The following AGBL4 variants were observed in gnomAD, a reference collection of about 807,000 sequenced individuals.
AGBL4 encodes the protein cytosolic carboxypeptidase 6.
Under a neutral mutation model 66.4 loss-of-function variants are expected in AGBL4, and 58 were observed. The ratio of observed to expected loss-of-function variants is 0.87; its 90% CI spans 0.71 to 1.09. The LOEUF (loss-of-function observed/expected upper bound fraction) is 1.09. AGBL4 is among the 50% of genes least tolerant of loss of function. AGBL4 has a pLI of 0.00. For missense variants in AGBL4, 579 were observed against 631.0 expected (o/e 0.92, Z 0.88); for synonymous variants, 234 against 222.9 (o/e 1.05, Z -0.44).
intron 2 of AGBL4, among the ~76,000 whole-genome samples, chr1:49,712,739 A>C (rs932020196): frequency 1.3e-5 from 2 of 151,954 alleles, no homozygotes; most frequent in African/African-American, 4.8e-5. Flanking sequence ...AAAAAGAAGA[A>C]TATGGGCTTT....
rs201594533 is a variant in AGBL4 at position 49,556,644 on chromosome 1, CG to C, written c.282+140668del. The stretch of plus-strand genomic sequence containing the variant: ...CCCGACTCAGGAGCCCAGCTGGCTT[CG>C]CCTAGTGGATCCCGCGCAGGGGCCG... On this transcript the variant is annotated intron_variant, in intron 3 of 13. Transcript: ENST00000371839. Among the ~76,000 whole-genome samples, 105 of 152,212 alleles carry C rather than the reference CG, an allele frequency of 6.9e-4. 2 individuals are homozygous for C. The East Asian group carries it at 0.018, about 27-fold the overall frequency.
intron 2 of AGBL4, among the ~76,000 whole-genome samples, chr1:49,751,409 C>A (rs1034012452): frequency 4.7e-4 from 72 of 152,270 alleles, no homozygotes; most frequent in Non-Finnish European, 1.0e-3. Flanking sequence ...GTTGAACCAG[C>A]CTTGCATCCC....
chr1:48,663,536 CTG>C (rs2148457071), intron 6 of AGBL4, among the ~76,000 whole-genome samples: 2 of 152,296 alleles, frequency 1.3e-5, no homozygotes, highest in East Asian at 1.9e-4. Context: ...AATCCACTGA[CTG>C]TGACTTTAGG....
chr1:49,481,022 C>T (rs776314641), intron 3 of AGBL4, among the ~76,000 whole-genome samples: 15 of 152,056 alleles, frequency 9.9e-5, no homozygotes, highest in Non-Finnish European at 1.8e-4. Flanking sequence ...CAGTACCATG[C>T]TGTCTTGGTT....
At chr1:49,683,877 T>C (rs1646741807) in intron 3 of AGBL4, among the ~76,000 whole-genome samples, 2 of 152,298 alleles carry the variant, frequency 1.3e-5, no homozygotes, top group African/African-American at 4.8e-5. Flanking sequence ...TGTTCAATAC[T>C]GATGTGGAAG....
intron 1 of AGBL4, among the ~76,000 whole-genome samples, chr1:49,948,598 G>A (rs1347001877): frequency 7.1e-6 from 1 of 140,902 alleles, no homozygotes; most frequent in African/African-American, 2.6e-5. Flanking sequence ...GAGAGAGAGA[G>A]AGAGAGAGAT....
rs61233999 is a variant in AGBL4 at position 48,646,513 on chromosome 1, A to ATGTGTGTGTGTGTGTGTGTG, written c.839+6804_839+6823dup. ...GGAAGAGGTAGGTAGACCAGTTATA[A>ATGTGTGTGTGTGTGTGTGTG]TGTGTGTGTGTGTGTGTGTGTGTGT... is the stretch of plus-strand genomic sequence containing the variant. On this transcript the variant is annotated intron_variant, in intron 8 of 13. Coordinates refer to ENST00000371839, the MANE Select transcript of AGBL4 (RefSeq NM_032785.4). Among the ~76,000 whole-genome samples the ATGTGTGTGTGTGTGTGTGTG allele has an allele frequency of 5.4e-4, 71 of 131,528 alleles. 1 individual carries two copies. The highest frequency in any genetic ancestry group is 6.3e-4 in the African/African-American group (22 of 35,024). The allele number at this position is 131,528 out of a possible 152,430, so 86.3% of individuals were successfully genotyped here.
intron 1 of AGBL4, among the ~76,000 whole-genome samples, chr1:49,916,315 C>T (rs935835297): frequency 6.6e-6 from 1 of 152,072 alleles, no homozygotes; most frequent in Non-Finnish European, 1.5e-5. Context: ...GAACCCATCA[C>T]AAAGAAGCTA....
intron 2 of AGBL4, among the ~76,000 whole-genome samples, chr1:49,815,031 T>C (rs1194486161): frequency 6.6e-6 from 1 of 152,162 alleles, no homozygotes; most frequent in East Asian, 1.9e-4. Flanking sequence ...AATCCAATTA[T>C]ACTCTTTTAG....
chr1:48,822,409 A>T (rs977615442), intron 6 of AGBL4, among the ~76,000 whole-genome samples: 6 of 152,230 alleles, frequency 3.9e-5, no homozygotes, highest in African/African-American at 1.4e-4. Context: ...TATATTGAGG[A>T]AGCAATCGGA....
At chr1:48,617,715 C>G (rs1227234358) in intron 9 of AGBL4, among the ~76,000 whole-genome samples, 2 of 152,176 alleles carry the variant, frequency 1.3e-5, no homozygotes, top group Non-Finnish European at 2.9e-5. Context: ...GGCCTTCCGT[C>G]TGCCACTTCT....
At chr1:49,146,373 T>C (rs1056757766) in intron 4 of AGBL4, among the ~76,000 whole-genome samples, 1 of 152,028 alleles carries the variant, frequency 6.6e-6, no homozygotes, top group Admixed American at 6.6e-5. Context: ...CCCATAAATA[T>C]ATATACCTAC....
At chr1:49,330,360 T>C (rs1645308086) in intron 3 of AGBL4, among the ~76,000 whole-genome samples, 1 of 152,178 alleles carries the variant, frequency 6.6e-6, no homozygotes, top group Non-Finnish European at 1.5e-5. Flanking sequence ...GAGATGGCAG[T>C]GGGCCAAGAT....
At position 49,669,708 on chromosome 1, in the gene AGBL4, T is replaced by G. The variant is rs371929358; in HGVS notation, c.282+27605A>C. ...TATCTACCATGTACCAGATACTTTG[T>G]GTTAGGTGCTCTGAATATGTTTAAT... On this transcript the variant is annotated intron_variant, in intron 3 of 13. Coordinates refer to ENST00000371839, the MANE Select transcript of AGBL4 (RefSeq NM_032785.4). 3.3e-4 allele frequency among the ~76,000 whole-genome samples: 50 copies of G among 152,274 alleles called. 1 individual carries two copies. In the South Asian group the frequency reaches 9.5e-3, roughly 29 times the overall value.
At chr1:49,865,802 A>C (rs1333083941) in intron 1 of AGBL4, 1 of 172,004 alleles carries the variant, frequency 5.8e-6, no homozygotes, top group Non-Finnish European at 1.3e-5. Context: ...AGACAATGAC[A>C]AACTTCACAG....
chr1:48,676,615 A>G (rs1646369526), intron 6 of AGBL4, among the ~76,000 whole-genome samples: 1 of 152,228 alleles, frequency 6.6e-6, no homozygotes, highest in Admixed American at 6.5e-5. Flanking sequence ...ACACCCAGTC[A>G]GGTGCTCTGC....
chr1:49,874,135 A>G (rs905394002), intron 1 of AGBL4, among the ~76,000 whole-genome samples: 1 of 152,146 alleles, frequency 6.6e-6, no homozygotes, highest in Non-Finnish European at 1.5e-5. Context: ...TACTACAAAT[A>G]ATGCTAGAAA....
At chr1:49,511,351 A>G (rs1649227768) in intron 3 of AGBL4, among the ~76,000 whole-genome samples, 1 of 150,964 alleles carries the variant, frequency 6.6e-6, no homozygotes, top group South Asian at 2.1e-4. Context: ...AAACTATCGC[A>G]AGAACAAAAA....
intron 3 of AGBL4, among the ~76,000 whole-genome samples, chr1:49,612,119 T>C (rs1416304684): frequency 2.0e-5 from 3 of 152,230 alleles, no homozygotes; most frequent in Non-Finnish European, 4.4e-5. Flanking sequence ...TCCAAATCTA[T>C]GATAAATGTG....
Sources: allele counts gnomAD v4.1 joint callset (sites outside exome capture counted in the v4.1 genomes callset), GRCh38; gene constraint gnomAD v4.1.1; transcripts MANE v1.5; gene names NCBI Gene and HGNC (gene_info 2026-07-23, HGNC 2026-07-21).